The following SMARCC1 variants were observed in gnomAD, a reference collection of about 807,000 sequenced individuals.
The protein encoded by SMARCC1 is SWI/SNF complex subunit SMARCC1.
SMARCC1 carries 43 observed loss-of-function variants against 147.4 expected under a neutral mutation model. The ratio of observed to expected loss-of-function variants is 0.29; its 90% CI spans 0.23 to 0.38. SMARCC1 has a LOEUF of 0.38. SMARCC1 is among the 10% of genes least tolerant of loss of function. The pLI, the probability that SMARCC1 is intolerant of heterozygous loss-of-function variation, is 1.00. For missense variants in SMARCC1, 1,119 were observed against 1,381.1 expected (o/e 0.81, Z 3.01); for synonymous variants, 495 against 484.4 (o/e 1.02, Z -0.29).
chr3:47,641,542 A>G (rs2033047372), intron 21 of SMARCC1, among the ~76,000 whole-genome samples: 1 of 152,192 alleles, frequency 6.6e-6, no homozygotes, highest in Admixed American at 6.5e-5. Context: ...AAATGTGCAC[A>G]GACTAAAACT....
chr3:47,689,400 G>A lies in SMARCC1; in HGVS notation c.1250C>T (p.Thr417Ile), dbSNP rs570224359. The A allele has an allele frequency of 5.6e-6, 9 of 1,613,062 alleles. No individual in the cohort carries two copies. In the East Asian group the frequency reaches 2.0e-4, roughly 36 times the overall value. The change falls in exon 13 of 28, where the codon ACA becomes ATA. Residue 417 changes from threonine to isoleucine, a missense_variant. Physicochemically the swap from Thr to Ile is moderately conservative, Grantham distance 89. This residue lies in a region of SMARCC1 where 542 missense variants were observed against 611.8 expected (regional missense o/e 0.89). Transcript: ENST00000254480. The stretch of plus-strand genomic sequence containing the variant: ...CTGAATTGTTACCTTTCCTCCTGCT[G>A]TGACTGTTTCTTCATCCTGCTCATC... Reference protein sequence around the residue: ...DLDEQDEETVTAGGKEDEDPA... With the variant: ...DLDEQDEETVIAGGKEDEDPA...
intron 26 of SMARCC1, among the ~76,000 whole-genome samples, chr3:47,598,530 G>A (rs986615171): frequency 1.3e-5 from 2 of 151,952 alleles, no homozygotes; most frequent in African/African-American, 2.4e-5. Context: ...AGATTTTATT[G>A]ATTAAAGCTA....
intron 5 of SMARCC1, 56 bp downstream of exon 5, chr3:47,735,978 A>G (rs1023615245): frequency 5.1e-6 from 4 of 780,504 alleles, no homozygotes; most frequent in South Asian, 2.2e-5. Context: ...AGAGGCTTAC[A>G]ACTACAAAAT....
intron 2 of SMARCC1, among the ~76,000 whole-genome samples, chr3:47,761,146 G>GAAAAA (rs905131094): frequency 3.3e-5 from 5 of 151,286 alleles, no homozygotes; most frequent in Non-Finnish European, 7.4e-5. Flanking sequence ...AAAAAGAAAA[G>GAAAAA]AAAAGAAAAG....
chr3:47,721,543 A>G (rs2034232881), intron 6 of SMARCC1, among the ~76,000 whole-genome samples: 1 of 152,116 alleles, frequency 6.6e-6, no homozygotes. Context: ...TAAAGCCCAC[A>G]GCAAACAAAC....
intron 5 of SMARCC1, 135 bp from the exon 6 acceptor site, chr3:47,729,229 T>C: frequency 1.7e-6 from 1 of 602,688 alleles, no homozygotes; most frequent in South Asian, 2.6e-5. Flanking sequence ...ACTTGCTTCT[T>C]TTTAGTCAAA....
In SMARCC1 at chr3:47,675,502, G is replaced by T; in HGVS notation, c.1812C>A (p.Asp604Glu). ...VDLQNFGLRT[D>E]IYSKKTLAKS... ...TTGCTAATGTTTTCTTGGAGTAAAT[G>T]TCAGTACGGAGACCAAAGTTCTGCA... Residue 604 changes from aspartate (D) to glutamate (E), a missense_variant, in exon 18 of 28, where the codon GAC becomes GAA. Asp to Glu is a conservative substitution (Grantham distance 45, BLOSUM62 2). Transcript: ENST00000254480. The T allele has an allele frequency of 6.2e-7, 1 of 1,605,330 alleles. No individual in the cohort carries two copies. Among genetic ancestry groups the T allele is most frequent in the South Asian group, 1.1e-5 (1 of 90,936 alleles).
chr3:47,764,372 A>C (rs1357098109), intron 2 of SMARCC1, among the ~76,000 whole-genome samples: 1 of 152,212 alleles, frequency 6.6e-6, no homozygotes. Context: ...GCCATACTTC[A>C]GCAAAGCTGT....
rs776019038 is a variant in SMARCC1, at chr3:47,635,273, T to C, written c.2563A>G (p.Lys855Glu). ...TCGGAAATTTCATGTTCTACTTTCT[T>C]CTTCCCAGTATCACTTTCTCTTTCT... is the stretch of plus-strand genomic sequence containing the variant. ...CKERESDTGK[K>E]KVEHEISEGN... Residue 855 changes from lysine (K) to glutamate (E), a missense_variant, in exon 24 of 28, where the codon AAG (lysine) becomes GAG (glutamate). Physicochemically the swap from Lys to Glu is moderately conservative, Grantham distance 56. Coordinates refer to ENST00000254480, the MANE Select transcript of SMARCC1 (RefSeq NM_003074.4). The C allele has an allele frequency of 6.2e-7, 1 of 1,613,318 alleles. No homozygotes were observed. Among genetic ancestry groups the C allele is most frequent in the Non-Finnish European group, 8.5e-7 (1 of 1,179,440 alleles).
At chr3:47,634,264 G>C (rs1390765091) in intron 24 of SMARCC1, among the ~76,000 whole-genome samples, 1 of 152,158 alleles carries the variant, frequency 6.6e-6, no homozygotes, top group Non-Finnish European at 1.5e-5. Context: ...TGGGTTGACT[G>C]AGCATTTGCT....
At position 47,736,118 on chromosome 3, in the gene SMARCC1, A is replaced by G; in HGVS notation, c.492T>C (p.Cys164=). The change falls in exon 5 of 28, where the codon TGT becomes TGC. Residue 164 remains cysteine (C), a synonymous_variant. Coordinates refer to ENST00000254480, the MANE Select transcript of SMARCC1 (RefSeq NM_003074.4). The stretch of plus-strand genomic sequence containing the variant: ...TGAGGTAGATGTTGGGTCTGGTCAA[A>G]CAATTGTTCTGAGGATGAAAAGAAC... ...NIEKTLVQNN[C]LTRPNIYLIP... 1 of 1,570,436 alleles carries G rather than the reference A, an allele frequency of 6.4e-7. No homozygotes were observed. The highest frequency in any genetic ancestry group is 8.7e-7 in the Non-Finnish European group (1 of 1,152,352).
intron 26 of SMARCC1, among the ~76,000 whole-genome samples, chr3:47,608,871 A>AC (rs1169617160): frequency 3.0e-4 from 46 of 151,336 alleles, no homozygotes; most frequent in African/African-American, 1.1e-3. Context: ...AAAAAAAAAA[A>AC]AAAGTGTGAA....
rs193081856 is a variant in SMARCC1, at chr3:47,595,882, G to A, written c.3044-5045C>T. Among the ~76,000 whole-genome samples, 77 of 151,600 alleles carry A rather than the reference G, an allele frequency of 5.1e-4. 1 individual carries two copies. Among genetic ancestry groups the A allele is most frequent in the Middle Eastern group, 3.4e-3 (1 of 292 alleles). ...CCCGAATAGCTGAAACTACAGGCAC[G>A]TGCCACCACGCCCAGCTAATTTTTT... On this transcript the variant is annotated intron_variant, in intron 26 of 27. Transcript: ENST00000254480.
chr3:47,599,638 G>T (rs945809980), intron 26 of SMARCC1, among the ~76,000 whole-genome samples: 1 of 152,202 alleles, frequency 6.6e-6, no homozygotes, highest in African/African-American at 2.4e-5. Flanking sequence ...CTTGCAGCCA[G>T]TGTGCACCCC....
In SMARCC1 at chr3:47,586,229, G is replaced by C. The variant is rs1245710556; in HGVS notation, c.*1980C>G. The C allele has an allele frequency of 6.6e-6, 1 of 152,142 alleles. No homozygotes were observed. Among genetic ancestry groups the C allele is most frequent in the Admixed American group, 6.5e-5 (1 of 15,274 alleles). The allele number at this position is 152,142 out of a possible 1,614,324, so 9.4% of individuals were successfully genotyped here. The stretch of plus-strand genomic sequence containing the variant: ...TAAATTTGAAAGTGATCACATTAAA[G>C]ACCTGAGGTTACAAGGGACCACAGT... On this transcript the variant is annotated 3_prime_UTR_variant, in exon 28 of 28. Transcript: ENST00000254480.
intron 26 of SMARCC1, among the ~76,000 whole-genome samples, chr3:47,591,934 T>C (rs1169325037): frequency 6.6e-6 from 1 of 152,234 alleles, no homozygotes; most frequent in African/African-American, 2.4e-5. Context: ...ATTTGAGAGA[T>C]GAGAATCATA....
At chr3:47,722,345 T>C (rs1319502546) in intron 6 of SMARCC1, among the ~76,000 whole-genome samples, 2 of 142,330 alleles carry the variant, frequency 1.4e-5, no homozygotes, top group Non-Finnish European at 3.0e-5. Flanking sequence ...TTGCCCAGGT[T>C]AGAATGCAAT....
chr3:47,655,121 C>T (rs1326013349), intron 21 of SMARCC1, among the ~76,000 whole-genome samples: 1 of 152,212 alleles, frequency 6.6e-6, no homozygotes, highest in Non-Finnish European at 1.5e-5. Context: ...AAGGACCTCA[C>T]TGATATCCAC....
chr3:47,754,986 T>C (rs1262020721), intron 2 of SMARCC1, among the ~76,000 whole-genome samples: 2 of 152,170 alleles, frequency 1.3e-5, no homozygotes, highest in Non-Finnish European at 2.9e-5. Context: ...CAGGCTGCAG[T>C]GAGCTGAGAT....
Sources: allele counts gnomAD v4.1 joint callset (sites outside exome capture counted in the v4.1 genomes callset), GRCh38; gene constraint gnomAD v4.1.1; regional missense constraint gnomAD v4.1.1; transcripts MANE v1.5; gene names NCBI Gene and HGNC (gene_info 2026-07-23, HGNC 2026-07-21).